EYS: variants seen among roughly 807,000 people sequenced by gnomAD.
EYS encodes the protein protein eyes shut homolog.
Under a neutral mutation model 282.1 loss-of-function variants are expected in EYS, and 250 were observed. The ratio of observed to expected loss-of-function variants is 0.89; its 90% CI spans 0.80 to 0.98. The LOEUF (loss-of-function observed/expected upper bound fraction) is 0.98, where lower values mean the gene tolerates loss of function less well. Ranked by LOEUF, EYS falls within the 50% of genes least tolerant of loss-of-function variation. EYS has a pLI of 0.00. For missense variants in EYS, 4,016 were observed against 3,709.0 expected, an observed-to-expected ratio of 1.08 and a Z score of -2.15; for synonymous variants, 1,355 against 1,282.9, an observed-to-expected ratio of 1.06 and a Z score of -1.20.
At chr6:63,817,576 G>A (rs1771211876) in intron 36 of EYS, among the ~76,000 whole-genome samples, 1 of 152,118 alleles carries the variant, frequency 6.6e-6, no homozygotes, top group South Asian at 2.1e-4. Flanking sequence ...ACCTTGCCTT[G>A]GTAGGAGAAA....
chr6:63,777,903 C>T lies in EYS; in HGVS notation c.7898+103G>A, dbSNP rs1770105337. On this transcript the variant is annotated intron_variant, in intron 40 of 42. Transcript: ENST00000503581. ...TACATAAGAACATTTTAAATATGTG[C>T]ATCTGTTTGTGTTCCTAGTTTGTAC... 5 of 1,078,450 alleles carry T rather than the reference C, an allele frequency of 4.6e-6. No individual in the cohort carries two copies. In the South Asian group the frequency reaches 7.3e-5, roughly 16 times the overall value. 66.8% of individuals were successfully genotyped at this position (1,078,450 alleles called of 1,614,324 possible).
intron 37 of EYS, among the ~76,000 whole-genome samples, chr6:63,802,518 A>AATTTT (rs1176030509): frequency 6.6e-6 from 1 of 152,004 alleles, no homozygotes; most frequent in Admixed American, 6.6e-5. Flanking sequence ...TTCTTGATAA[A>AATTTT]ATTTTATTTT....
intron 31 of EYS, among the ~76,000 whole-genome samples, chr6:64,210,667 A>G (rs1328742628): frequency 6.6e-6 from 1 of 152,166 alleles, no homozygotes; most frequent in Non-Finnish European, 1.5e-5. Flanking sequence ...TAAATTCAAG[A>G]TTGATATTTC....
rs142102768 is a variant in EYS, at chr6:63,824,548, C to T, written c.7229-18176G>A. 8.6e-4 allele frequency among the ~76,000 whole-genome samples: 131 copies of T among 152,274 alleles called. 1 individual carries two copies. In the East Asian group the frequency reaches 0.019, roughly 22 times the overall value. On this transcript the variant is annotated intron_variant, in intron 36 of 42. Transcript: ENST00000503581. ...GGAAGTGGACTGCTGCTGCAGGACG[C>T]GGAGACACCCCAAATTCTGTGAGCA...
rs1297547118 is a variant in EYS, at chr6:64,862,378, T to C, written c.2992+24319A>G. Among the ~76,000 whole-genome samples, 5 of 152,306 alleles carry C rather than the reference T, an allele frequency of 3.3e-5. No individual in the cohort carries two copies. In the East Asian group the frequency reaches 9.7e-4, roughly 29 times the overall value. Reference sequence around the variant, plus strand: ...TCAGTTGTTTTTCAGCTATTCATTTTGTTGTTGTTTCAATGATTATGGGAG... The same window carrying C: ...TCAGTTGTTTTTCAGCTATTCATTTCGTTGTTGTTTCAATGATTATGGGAG... On this transcript the variant is annotated intron_variant, in intron 19 of 42. Transcript: ENST00000503581.
At chr6:65,123,590 A>G (rs1028033324) in intron 12 of EYS, among the ~76,000 whole-genome samples, 12 of 152,194 alleles carry the variant, frequency 7.9e-5, no homozygotes, top group African/African-American at 2.7e-4. Context: ...TTGAGGAAGG[A>G]AACAATACAA....
At chr6:64,339,667 T>TA (rs1313537173) in intron 29 of EYS, among the ~76,000 whole-genome samples, 7 of 151,788 alleles carry the variant, frequency 4.6e-5, no homozygotes, top group Admixed American at 4.6e-4. Context: ...ATACAAAAGA[T>TA]ATACTTGCAC....
At chr6:65,375,581 C>T (rs1765332258) in intron 8 of EYS, among the ~76,000 whole-genome samples, 1 of 152,008 alleles carries the variant, frequency 6.6e-6, no homozygotes, top group African/African-American at 2.4e-5. Context: ...TGGGTAATAA[C>T]AAACTCCTCT....
At chr6:64,302,522 G>A (rs1005301362) in intron 30 of EYS, among the ~76,000 whole-genome samples, 2 of 151,966 alleles carry the variant, frequency 1.3e-5, no homozygotes, top group Admixed American at 1.3e-4. Flanking sequence ...TGCATTTATG[G>A]GGCAGCCCAC....
chr6:65,239,110 G>T (rs1286482173), intron 12 of EYS, among the ~76,000 whole-genome samples: 1 of 151,808 alleles, frequency 6.6e-6, no homozygotes, highest in Non-Finnish European at 1.5e-5. Context: ...TACATTTCTG[G>T]TTTAAAAAAT....
intron 2 of EYS, among the ~76,000 whole-genome samples, chr6:65,562,337 G>A (rs1051519129): frequency 2.0e-5 from 3 of 152,002 alleles, no homozygotes; most frequent in African/African-American, 7.2e-5. Context: ...TGGGGTCATA[G>A]CCAAACAATT....
At chr6:64,631,938 A>G (rs1209919596) in intron 22 of EYS, among the ~76,000 whole-genome samples, 3 of 152,028 alleles carry the variant, frequency 2.0e-5, no homozygotes, top group Admixed American at 6.5e-5. Flanking sequence ...TGAAATATTT[A>G]CATTAAAAAA....
chr6:64,451,288 A>T (rs1282207584), intron 26 of EYS, among the ~76,000 whole-genome samples: 1 of 152,108 alleles, frequency 6.6e-6, no homozygotes, highest in South Asian at 2.1e-4. Flanking sequence ...TGACACACAC[A>T]CTCTCCCAAG....
At chr6:64,091,319 T>C (rs898819955) in intron 31 of EYS, among the ~76,000 whole-genome samples, 4 of 152,174 alleles carry the variant, frequency 2.6e-5, no homozygotes, top group African/African-American at 9.7e-5. Flanking sequence ...GTATACTTTG[T>C]CAATGGTTAT....
intron 22 of EYS, among the ~76,000 whole-genome samples, chr6:64,666,541 A>T (rs1219546487): frequency 2.0e-5 from 3 of 152,166 alleles, no homozygotes; most frequent in African/African-American, 7.2e-5. Flanking sequence ...TCAATCACAC[A>T]CTTCTTAAAT....
intron 30 of EYS, among the ~76,000 whole-genome samples, chr6:64,239,441 C>T (rs1766720430): frequency 6.6e-6 from 1 of 152,164 alleles, no homozygotes; most frequent in Admixed American, 6.5e-5. Flanking sequence ...TTAAAGATTG[C>T]CATTCTAACT....
rs575711078 is a variant in EYS at position 64,001,548 on chromosome 6, A to C, written c.6726-2365T>G. 3.9e-5 allele frequency among the ~76,000 whole-genome samples: 6 copies of C among 152,284 alleles called. No homozygotes were observed. The South Asian group carries it at 1.2e-3, about 32-fold the overall frequency. On this transcript the variant is annotated intron_variant, in intron 33 of 42. Coordinates refer to ENST00000503581, the MANE Select transcript of EYS (RefSeq NM_001142800.2). The stretch of plus-strand genomic sequence containing the variant: ...GGAAACATTCTGATTTGGAAAAGAC[A>C]ATTTATTTGTAGATTTTTAGAAGAC...
intron 6 of EYS, among the ~76,000 whole-genome samples, chr6:65,402,894 A>C (rs970610521): frequency 6.6e-6 from 1 of 152,084 alleles, no homozygotes; most frequent in African/African-American, 2.4e-5. Flanking sequence ...GATGCTTTAA[A>C]GGCCATATAG....
intron 35 of EYS, among the ~76,000 whole-genome samples, chr6:63,937,198 A>G (rs749793545): frequency 6.6e-6 from 1 of 152,090 alleles, no homozygotes; most frequent in Non-Finnish European, 1.5e-5. Context: ...TAGTGGGGAA[A>G]ACAGACACAT....
Sources: gnomAD v4.1 joint callset for allele counts (sites outside exome capture counted in the v4.1 genomes callset) on GRCh38, gnomAD v4.1.1 for gene constraint, MANE v1.5 for transcripts, NCBI Gene and HGNC (gene_info 2026-07-23, HGNC 2026-07-21) for gene names.